The following PSG8 variants were observed in gnomAD, a reference collection of about 807,000 sequenced individuals.
PSG8 encodes the protein pregnancy-specific beta-1-glycoprotein 8.
In PSG8, 57 loss-of-function variants were observed where a neutral mutation model predicts 42.5. The ratio of observed to expected loss-of-function variants is 1.34; its 90% CI spans 1.08 to 1.67. The LOEUF (loss-of-function observed/expected upper bound fraction) is 1.67, where lower values mean the gene tolerates loss of function less well. Ranked by LOEUF, PSG8 falls within the 40% of genes most tolerant of loss-of-function variation. The pLI, the probability that PSG8 is intolerant of heterozygous loss-of-function variation, is 0.00. For synonymous variants in PSG8, 280 were observed against 196.8 expected (o/e 1.42, Z -3.54); for missense variants, 783 against 518.6 (o/e 1.51, Z -4.95).
chr19:42,753,439 C>T, downstream of PSG8: 1 of 772,262 alleles, frequency 1.3e-6, no homozygotes, highest in Non-Finnish European at 2.4e-6. Flanking sequence ...AACAGGTGTA[C>T]TACAGTTTTT....
In PSG8 at chr19:42,755,032, T is replaced by G. The variant is rs11879884; in HGVS notation, c.944A>C (p.Gln315Pro). 0.057 allele frequency: 92,208 copies of G among 1,613,170 alleles called. 3,404 individuals carry two copies. Among genetic ancestry groups the G allele is most frequent in the Admixed American group, 0.13 (7,587 of 59,984 alleles). ...TGPYQCEIRD[Q>P]YGGIRSYPVT... ...TGGGTAACTGCGGATGCCACCATATTGGTCCCTTATTTCACATTGATAGGG... is the reference window on the plus strand; with the variant it reads ...TGGGTAACTGCGGATGCCACCATATGGGTCCCTTATTTCACATTGATAGGG... Residue 315 changes from glutamine to proline, a missense_variant, in exon 4 of 5, where the codon CAA becomes CCA. Physicochemically the swap from Gln to Pro is moderately conservative, Grantham distance 76 (BLOSUM62 -1). Transcript: ENST00000306511.
intron 3 of PSG8, among the ~76,000 whole-genome samples, chr19:42,757,375 T>C (rs996515934): frequency 2.0e-5 from 3 of 152,030 alleles, no homozygotes; most frequent in African/African-American, 7.2e-5. Context: ...ATGAGATTTG[T>C]TCCAGCAGTG....
chr19:42,759,973 A>C (rs1376376375), intron 2 of PSG8, among the ~76,000 whole-genome samples: 2 of 152,216 alleles, frequency 1.3e-5, no homozygotes, highest in African/African-American at 4.8e-5. Flanking sequence ...TGTGTCAATT[A>C]CATAAAGGGA....
At chr19:42,760,124 T>G (rs1463753398) in intron 2 of PSG8, among the ~76,000 whole-genome samples, 3 of 152,204 alleles carry the variant, frequency 2.0e-5, no homozygotes, top group Non-Finnish European at 4.4e-5. Context: ...CTTCATTTTC[T>G]CTTAAGCTCA....
chr19:42,753,278 G>A, downstream of PSG8: 1 of 779,786 alleles, frequency 1.3e-6, no homozygotes, highest in Non-Finnish European at 2.4e-6. Context: ...TCCACCTCCA[G>A]CTTATAGGGC....
At chr19:42,764,354 T>C (rs1168371780) in intron 1 of PSG8, 73 bp from the exon 2 acceptor site, 1 of 1,547,630 alleles carries the variant, frequency 6.5e-7, no homozygotes, top group African/African-American at 1.4e-5. Context: ...CCCTGGGTCC[T>C]GAGAAGTTCT....
At chr19:42,763,646 T>C (rs1970132503) in intron 2 of PSG8, 7 of 616,936 alleles carry the variant, frequency 1.1e-5, no homozygotes, top group Non-Finnish European at 1.9e-5. Flanking sequence ...CATGAGGTGC[T>C]TGTCTGAGAC....
At chr19:42,764,698 G>C (rs138006883) in intron 1 of PSG8, among the ~76,000 whole-genome samples, 5,089 of 151,968 alleles carry the variant, frequency 0.033, 287 homozygotes, top group African/African-American at 0.12. Flanking sequence ...CTCCCTCCAG[G>C]GTTCTTCTCA....
chr19:42,754,236 C>T lies in PSG8; in HGVS notation c.*59G>A, dbSNP rs144565871. 1.1e-3 allele frequency: 1,830 copies of T among 1,591,460 alleles called. 11 individuals carry two copies. The African/African-American group carries it at 0.017, about 15-fold the overall frequency. ...TTGGGATTTGCTTGTGCCCATGGGA[C>T]GCAGGCTGGGAATAAAAATGTTTTC... On this transcript the variant is annotated 3_prime_UTR_variant, in exon 5 of 5. Transcript: ENST00000306511.
At chr19:42,754,959 T>C (rs1969880324) in intron 4 of PSG8, 29 bp downstream of exon 4, 1 of 1,585,102 alleles carries the variant, frequency 6.3e-7, no homozygotes, top group Admixed American at 1.8e-5. Flanking sequence ...GCTGGTGTCC[T>C]GGCCCACAGA....
At chr19:42,755,728 G>T (rs547497762) in intron 3 of PSG8, 10 of 190,406 alleles carry the variant, frequency 5.3e-5, no homozygotes, top group Non-Finnish European at 8.8e-5. Context: ...GACTACCCAT[G>T]GTCCTGAAAC....
intron 3 of PSG8, among the ~76,000 whole-genome samples, chr19:42,756,414 A>G (rs550623359): frequency 3.8e-4 from 58 of 152,264 alleles, no homozygotes; most frequent in Middle Eastern, 3.4e-3. Context: ...AGTTCACACA[A>G]ATTGAGTATT....
chr19:42,752,776 A>G (rs1277993215), downstream of PSG8: 1 of 177,028 alleles, frequency 5.6e-6, no homozygotes, highest in East Asian at 1.4e-4. Context: ...GGCGAGAGCC[A>G]TCCACAGAAT....
chr19:42,764,498 C>G (rs4803546), intron 1 of PSG8, among the ~76,000 whole-genome samples: 126,551 of 151,298 alleles, frequency 0.84, 53,537 homozygotes, highest in East Asian at 1. Flanking sequence ...AAGGTCAGCC[C>G]CATGACCCCC....
chr19:42,758,572 C>T (rs1384364278), intron 2 of PSG8: 2 of 534,808 alleles, frequency 3.7e-6, no homozygotes, highest in African/African-American at 1.9e-5. Flanking sequence ...TCTCTGAGTC[C>T]CTCCGTCTCC....
At chr19:42,757,314 A>G (rs10406187) in intron 3 of PSG8, among the ~76,000 whole-genome samples, 4,112 of 152,006 alleles carry the variant, frequency 0.027, 12 homozygotes, top group African/African-American at 0.093. Flanking sequence ...TGGAAAACAT[A>G]GTGCCAATGC....
intron 1 of PSG8, among the ~76,000 whole-genome samples, chr19:42,765,073 C>T (rs1970181726): frequency 1.3e-5 from 2 of 151,966 alleles, no homozygotes; most frequent in South Asian, 4.1e-4. Context: ...CTGTGACTTT[C>T]CTGTTTTGAC....
At chr19:42,762,387 G>T (rs1392462467) in intron 2 of PSG8, among the ~76,000 whole-genome samples, 1 of 152,060 alleles carries the variant, frequency 6.6e-6, no homozygotes, top group Non-Finnish European at 1.5e-5. Flanking sequence ...ACATGAGCTG[G>T]GGTGGCTTTA....
intron 1 of PSG8, among the ~76,000 whole-genome samples, chr19:42,764,640 C>CAAGATA (rs1970170350): frequency 1.3e-5 from 2 of 152,088 alleles, no homozygotes. Context: ...TTCCTGACAC[C>CAAGATA]TCCTTCAGAT....
Sources: gnomAD v4.1 joint callset for allele counts (sites outside exome capture counted in the v4.1 genomes callset) on GRCh38, gnomAD v4.1.1 for gene constraint, MANE v1.5 for transcripts, NCBI Gene and HGNC (gene_info 2026-07-23, HGNC 2026-07-21) for gene names.